Variants in DENND4C observed in about 807,000 individuals in gnomAD.
The protein encoded by DENND4C is DENN domain containing 4C, also known as DENN domain-containing protein 4C.
A neutral mutation model predicts 203.0 loss-of-function variants in DENND4C; 108 were observed. That is an observed-to-expected ratio of 0.53 (90% CI 0.46 to 0.62). The LOEUF is 0.62. Ranked by LOEUF, DENND4C falls within the 20% of genes least tolerant of loss-of-function variation. The probability of loss-of-function intolerance (pLI) is 0.00; values close to 1 mark genes in which losing one functional copy is unlikely to be tolerated. For missense variants in DENND4C, 2,481 were observed against 2,301.2 expected, an observed-to-expected ratio of 1.08 and a Z score of -1.60; for synonymous variants, 871 against 792.4, an observed-to-expected ratio of 1.10 and a Z score of -1.67.
chr9:19,239,361 G>A (rs929928045), intron 1 of DENND4C, among the ~76,000 whole-genome samples: 12 of 151,944 alleles, frequency 7.9e-5, no homozygotes, highest in African/African-American at 2.2e-4. Flanking sequence ...TTATTTAGGA[G>A]ACTATTATTT....
intron 1 of DENND4C, among the ~76,000 whole-genome samples, chr9:19,248,170 C>A (rs1206131752): frequency 6.6e-6 from 1 of 152,134 alleles, no homozygotes; most frequent in Non-Finnish European, 1.5e-5. Context: ...AAGACCTAGT[C>A]TTAGCCTAAA....
intron 21 of DENND4C, among the ~76,000 whole-genome samples, chr9:19,342,387 T>C (rs890346464): frequency 7.2e-5 from 11 of 152,202 alleles, no homozygotes; most frequent in South Asian, 2.1e-4. Flanking sequence ...AGAGACTTAA[T>C]TGATTCACTA....
At chr9:19,261,097 G>A (rs1359474394) in intron 1 of DENND4C, among the ~76,000 whole-genome samples, 1 of 151,926 alleles carries the variant, frequency 6.6e-6, no homozygotes, top group Non-Finnish European at 1.5e-5. Flanking sequence ...AGTTTTCCCA[G>A]CAATATTTGT....
chr9:19,301,433 T>C (rs534558223), intron 9 of DENND4C, among the ~76,000 whole-genome samples: 2 of 152,330 alleles, frequency 1.3e-5, no homozygotes, highest in African/African-American at 2.4e-5. Context: ...CCTCAGTAAA[T>C]ACTTGTTAAA....
At chr9:19,245,357 C>G (rs956019421) in intron 1 of DENND4C, among the ~76,000 whole-genome samples, 1 of 151,578 alleles carries the variant, frequency 6.6e-6, no homozygotes, top group African/African-American at 2.4e-5. Flanking sequence ...GTCCCAGCTA[C>G]TCGGGAGGCT....
Position 19,361,204 on chromosome 9 carries a change from C to T in DENND4C, c.5407-642C>T, listed in dbSNP as rs114752169. ...AACTGTTCTGTTCCCAGCTGCAATT[C>T]TCACAACCACCTTATTTGAAAGGAC... On this transcript the variant is annotated intron_variant, in intron 29 of 32. Coordinates refer to ENST00000434457, the MANE Select transcript of DENND4C (RefSeq NM_001330640.2). 2.7e-3 allele frequency among the ~76,000 whole-genome samples: 418 copies of T among 152,286 alleles called. 1 individual carries two copies. Among genetic ancestry groups the T allele is most frequent in the African/African-American group, 9.7e-3 (405 of 41,548 alleles).
At chr9:19,334,103 G>GGC (rs1819882892) in intron 17 of DENND4C, among the ~76,000 whole-genome samples, 1 of 152,146 alleles carries the variant, frequency 6.6e-6, no homozygotes, top group Admixed American at 6.6e-5. Flanking sequence ...AGCATGCAGT[G>GGC]GCGCAGTCTT....
intron 30 of DENND4C, among the ~76,000 whole-genome samples, chr9:19,362,210 G>T (rs1467612364): frequency 6.6e-6 from 1 of 152,152 alleles, no homozygotes; most frequent in Non-Finnish European, 1.5e-5. Context: ...GGCAGCAAAG[G>T]TTGCAATGAG....
At chr9:19,348,105 T>C (rs1433675724) in intron 23 of DENND4C, among the ~76,000 whole-genome samples, 1 of 152,242 alleles carries the variant, frequency 6.6e-6, no homozygotes, top group Non-Finnish European at 1.5e-5. Context: ...TGTTATAAGC[T>C]ATATGTCTGG....
rs534534990 is a variant in DENND4C at position 19,275,903 on chromosome 9, G to A, written c.-17-255G>A. On this transcript the variant is annotated intron_variant, in intron 1 of 32. Transcript: ENST00000434457. ...ATTACAGGCATGAGCCATCGCGCCC[G>A]GCCCCAGTTTAATTATCCTTAATAG... Among the ~76,000 whole-genome samples the A allele has an allele frequency of 9.9e-5, 15 of 152,244 alleles. No homozygotes were observed. In the South Asian group the frequency reaches 1.5e-3, roughly 15 times the overall value.
At chr9:19,276,081 G>A in intron 1 of DENND4C, 77 bp from the exon 2 acceptor site, 2 of 706,178 alleles carry the variant, frequency 2.8e-6, no homozygotes, top group Non-Finnish European at 2.0e-6. Flanking sequence ...GTTGATGATT[G>A]TTAACTCAAG....
At chr9:19,338,650 C>T (rs1394885510) in intron 20 of DENND4C, among the ~76,000 whole-genome samples, 3 of 152,066 alleles carry the variant, frequency 2.0e-5, no homozygotes, top group African/African-American at 7.2e-5. Flanking sequence ...CCACTTGGTA[C>T]CTGGTACAGA....
intron 1 of DENND4C, among the ~76,000 whole-genome samples, chr9:19,267,534 T>G (rs1054479988): frequency 1.3e-5 from 2 of 152,090 alleles, no homozygotes; most frequent in Non-Finnish European, 2.9e-5. Flanking sequence ...AAATTTTACT[T>G]AAAGTTTTTT....
At position 19,326,166 on chromosome 9, in the gene DENND4C, G is replaced by A. The variant is rs1490859287; in HGVS notation, c.2092G>A (p.Asp698Asn). 6.2e-7 allele frequency: 1 copy of A among 1,613,012 alleles called. No individual in the cohort carries two copies. Among genetic ancestry groups the A allele is most frequent in the Non-Finnish European group, 8.5e-7 (1 of 1,179,646 alleles). The change falls in exon 15 of 33, where the codon GAT (aspartate) becomes AAT (asparagine). Residue 698 changes from aspartate (D) to asparagine (N), a missense_variant. Asp to Asn is a conservative substitution (Grantham distance 23). Transcript: ENST00000434457. The part of the protein sequence containing the change: ...FIMPPEPPPD[D>N]GKDLSPKYSY... ...AATGCCGCCAGAGCCACCTCCTGAT[G>A]ATGGAAAGGACCTGTCACCAAAGTA... is the stretch of plus-strand genomic sequence containing the variant.
chr9:19,367,818 AAAC>A (rs1435082987), intron 30 of DENND4C, among the ~76,000 whole-genome samples: 2 of 152,254 alleles, frequency 1.3e-5, no homozygotes, highest in Non-Finnish European at 1.5e-5. Flanking sequence ...TGGCAACAGA[AAAC>A]AATGAAGTAC....
At chr9:19,363,012 G>C (rs1302130348) in intron 30 of DENND4C, among the ~76,000 whole-genome samples, 5 of 152,168 alleles carry the variant, frequency 3.3e-5, no homozygotes, top group Non-Finnish European at 5.9e-5. Flanking sequence ...TTTAACAACA[G>C]AAATTTATTT....
At chr9:19,322,209 G>A (rs1318596911) in intron 12 of DENND4C, among the ~76,000 whole-genome samples, 1 of 152,148 alleles carries the variant, frequency 6.6e-6, no homozygotes, top group Non-Finnish European at 1.5e-5. Flanking sequence ...AGGGATGAAG[G>A]TATAAGTGCT....
intron 1 of DENND4C, among the ~76,000 whole-genome samples, chr9:19,235,802 G>C (rs1821822626): frequency 6.6e-6 from 1 of 151,746 alleles, no homozygotes; most frequent in African/African-American, 2.4e-5. Flanking sequence ...AGTAGAGATG[G>C]GGTTTCACCG....
chr9:19,235,049 C>T (rs1854552), intron 1 of DENND4C, among the ~76,000 whole-genome samples: 42,398 of 151,460 alleles, frequency 0.28, 5,999 homozygotes, highest in Admixed American at 0.31. Context: ...ACTGCAACCT[C>T]GGCCTCCCAG....
Sources: gnomAD v4.1 joint callset for allele counts (sites outside exome capture counted in the v4.1 genomes callset) on GRCh38, gnomAD v4.1.1 for gene constraint, MANE v1.5 for transcripts, NCBI Gene and HGNC (gene_info 2026-07-23, HGNC 2026-07-21) for gene names.